The following IPMK variants were observed in gnomAD, a reference collection of about 807,000 sequenced individuals.
IPMK encodes the protein inositol polyphosphate multikinase.
IPMK carries 17 observed loss-of-function variants against 45.8 expected under a neutral mutation model. The observed-to-expected ratio is 0.37, with a 90% CI of 0.25 to 0.56. The LOEUF is 0.56. Ranked by LOEUF, IPMK falls within the 20% of genes least tolerant of loss-of-function variation. The pLI is 0.79. For missense variants in IPMK, 399 were observed against 498.0 expected, an observed-to-expected ratio of 0.80 and a Z score of 1.89; for synonymous variants, 180 against 184.3, an observed-to-expected ratio of 0.98 and a Z score of 0.19.
chr10:58,233,391 G>A (rs1341370541), intron 2 of IPMK, among the ~76,000 whole-genome samples: 5 of 151,982 alleles, frequency 3.3e-5, no homozygotes, highest in Non-Finnish European at 2.9e-5. Context: ...TTAGACCAAC[G>A]TCCCTGATGA....
intron 1 of IPMK, among the ~76,000 whole-genome samples, chr10:58,243,131 CCT>C (rs1164674008): frequency 1.3e-5 from 2 of 151,788 alleles, no homozygotes; most frequent in Non-Finnish European, 2.9e-5. Flanking sequence ...AATACACTAT[CCT>C]AGGAAAAAAA....
At chr10:58,231,205 G>A (rs567199184) in intron 2 of IPMK, among the ~76,000 whole-genome samples, 3 of 152,222 alleles carry the variant, frequency 2.0e-5, no homozygotes, top group Admixed American at 2.0e-4. Flanking sequence ...CATTTGACTG[G>A]TATACCTGGA....
At chr10:58,259,769 G>A (rs557453674) in intron 1 of IPMK, among the ~76,000 whole-genome samples, 1 of 151,870 alleles carries the variant, frequency 6.6e-6, no homozygotes. Flanking sequence ...GAGCCTGGGA[G>A]GCGGAGGTTG....
chr10:58,245,142 T>C (rs1046964754), intron 1 of IPMK, among the ~76,000 whole-genome samples: 3 of 151,484 alleles, frequency 2.0e-5, no homozygotes, highest in Non-Finnish European at 4.4e-5. Flanking sequence ...GGATAAAACT[T>C]AAAGACATTA....
chr10:58,243,401 CCT>C (rs1285595579), intron 1 of IPMK, among the ~76,000 whole-genome samples: 2 of 152,320 alleles, frequency 1.3e-5, no homozygotes, highest in East Asian at 3.9e-4. Flanking sequence ...CTACGGTCTC[CCT>C]CTCTTGCGGA....
rs538266181 is a variant in IPMK, at chr10:58,250,778, T to A, written c.191-12964A>T. 3.9e-5 allele frequency among the ~76,000 whole-genome samples: 6 copies of A among 152,310 alleles called. No individual in the cohort carries two copies. In the South Asian group the frequency reaches 1.2e-3, roughly 32 times the overall value. ...TAAGATTTCAGAAGAAGGGCTTCACTTTTTCCCAATTCAGTATTATATTAG... is the reference window on the plus strand; with the variant it reads ...TAAGATTTCAGAAGAAGGGCTTCACATTTTCCCAATTCAGTATTATATTAG... On this transcript the variant is annotated intron_variant, in intron 1 of 5. Coordinates refer to ENST00000373935, the MANE Select transcript of IPMK (RefSeq NM_152230.5).
chr10:58,206,546 A>G (rs1027052132), intron 4 of IPMK, among the ~76,000 whole-genome samples: 3 of 152,246 alleles, frequency 2.0e-5, no homozygotes, highest in Non-Finnish European at 2.9e-5. Context: ...AAATCCCAGC[A>G]GAGTGAAATC....
intron 1 of IPMK, among the ~76,000 whole-genome samples, chr10:58,261,110 A>AC (rs1340685045): frequency 6.7e-6 from 1 of 150,316 alleles, no homozygotes; most frequent in Non-Finnish European, 1.5e-5. Context: ...TGAGCTATAA[A>AC]AAAAAAAAAA....
At chr10:58,222,468 T>C (rs1218769662) in intron 3 of IPMK, among the ~76,000 whole-genome samples, 1 of 152,188 alleles carries the variant, frequency 6.6e-6, no homozygotes, top group Non-Finnish European at 1.5e-5. Flanking sequence ...TCTTATGAAG[T>C]GAGTCCTGCA....
chr10:58,243,498 T>C (rs550799655), intron 1 of IPMK, among the ~76,000 whole-genome samples: 68 of 152,136 alleles, frequency 4.5e-4, no homozygotes, highest in African/African-American at 1.6e-3. Flanking sequence ...GCCTGCCGAG[T>C]GCCTGTGATT....
chr10:58,228,731 C>T (rs1838460104), intron 2 of IPMK, among the ~76,000 whole-genome samples: 1 of 152,214 alleles, frequency 6.6e-6, no homozygotes, highest in African/African-American at 2.4e-5. Flanking sequence ...GACGAGGTTT[C>T]ACCGTGTTAG....
At chr10:58,232,376 A>G (rs1838537994) in intron 2 of IPMK, among the ~76,000 whole-genome samples, 1 of 152,216 alleles carries the variant, frequency 6.6e-6, no homozygotes, top group Admixed American at 6.5e-5. Flanking sequence ...TTAACAGAAC[A>G]TACATTCTTC....
At chr10:58,263,775 T>G (rs1025992004) in intron 1 of IPMK, among the ~76,000 whole-genome samples, 1 of 152,178 alleles carries the variant, frequency 6.6e-6, no homozygotes, top group African/African-American at 2.4e-5. Context: ...GGGCAGCTAT[T>G]GTTGGCCTCC....
intron 3 of IPMK, among the ~76,000 whole-genome samples, chr10:58,226,053 A>G (rs1838410431): frequency 6.6e-6 from 1 of 152,190 alleles, no homozygotes; most frequent in Non-Finnish European, 1.5e-5. Context: ...GCTTTGGCTC[A>G]CTTTCTTTTT....
chr10:58,238,527 T>C (rs1326318915), intron 1 of IPMK, among the ~76,000 whole-genome samples: 1 of 152,230 alleles, frequency 6.6e-6, no homozygotes, highest in African/African-American at 2.4e-5. Flanking sequence ...TCTTAAATTT[T>C]GATGTGTTGG....
intron 3 of IPMK, among the ~76,000 whole-genome samples, chr10:58,216,585 A>G (rs1838248052): frequency 6.6e-6 from 1 of 151,980 alleles, no homozygotes; most frequent in Non-Finnish European, 1.5e-5. Flanking sequence ...GTTTCCAACA[A>G]TATTAAAAAG....
chr10:58,251,318 C>T (rs966115108), intron 1 of IPMK, among the ~76,000 whole-genome samples: 40 of 151,908 alleles, frequency 2.6e-4, no homozygotes, highest in African/African-American at 9.4e-4. Context: ...CCTTCTATAT[C>T]GTTTCTGGGT....
At chr10:58,237,623 A>G (rs113806815) in intron 2 of IPMK, 106 bp downstream of exon 2, 1 of 812,422 alleles carries the variant, frequency 1.2e-6, no homozygotes, top group Non-Finnish European at 2.1e-6. Context: ...TTTCCGTTAC[A>G]TACACACAGT....
chr10:58,221,363 ATTT>A (rs60186414), intron 3 of IPMK, among the ~76,000 whole-genome samples: 6,449 of 146,664 alleles, frequency 0.044, 177 homozygotes, highest in East Asian at 0.14. Flanking sequence ...CAGCTTGCCT[ATTT>A]TTTTTTTTTT....
Sources: allele counts gnomAD v4.1 joint callset (sites outside exome capture counted in the v4.1 genomes callset), GRCh38; gene constraint gnomAD v4.1.1; transcripts MANE v1.5; gene names NCBI Gene and HGNC (gene_info 2026-07-23, HGNC 2026-07-21).